CSMD1: variants seen among roughly 807,000 people sequenced by gnomAD.
CSMD1 encodes the protein CUB and Sushi multiple domains 1.
CSMD1 carries 213 observed loss-of-function variants against 417.5 expected under a neutral mutation model. The observed-to-expected ratio is 0.51, with a 90% CI of 0.46 to 0.57. The LOEUF (loss-of-function observed/expected upper bound fraction) is 0.57. Ranked by LOEUF, CSMD1 falls within the 20% of genes least tolerant of loss-of-function variation. The pLI, the probability that CSMD1 is intolerant of heterozygous loss-of-function variation, is 0.00. For synonymous variants in CSMD1, 2,862 were observed against 1,736.8 expected, an observed-to-expected ratio of 1.65 and a Z score of -16.11; for missense variants, 6,923 against 4,529.7, an observed-to-expected ratio of 1.53 and a Z score of -15.17.
chr8:2,948,433 A>C (rs2128917601), intron 68 of CSMD1, among the ~76,000 whole-genome samples: 1 of 152,258 alleles, frequency 6.6e-6, no homozygotes, highest in African/African-American at 2.4e-5. Flanking sequence ...AAAATCAAAT[A>C]GTACAGAAAG....
At chr8:4,788,613 G>C (rs536824671) in intron 1 of CSMD1, 1 of 948,478 alleles carries the variant, frequency 1.1e-6, no homozygotes, top group Non-Finnish European at 1.6e-6. Flanking sequence ...AAATTTTTAG[G>C]GGAAAAACTA....
chr8:4,976,592 T>C (rs956134597), intron 1 of CSMD1, among the ~76,000 whole-genome samples: 3 of 152,202 alleles, frequency 2.0e-5, no homozygotes, highest in Admixed American at 6.5e-5. Context: ...AATGCAACAA[T>C]TTATAAACAG....
At chr8:3,446,213 TC>T (rs1442855330) in intron 12 of CSMD1, among the ~76,000 whole-genome samples, 1 of 152,238 alleles carries the variant, frequency 6.6e-6, no homozygotes, top group Non-Finnish European at 1.5e-5. Context: ...GAATGCACTT[TC>T]TGAAGCACTC....
intron 1 of CSMD1, among the ~76,000 whole-genome samples, chr8:4,691,198 G>C (rs1332783652): frequency 6.6e-6 from 1 of 152,192 alleles, no homozygotes; most frequent in Admixed American, 6.5e-5. Context: ...CTGCAAATCA[G>C]CAGCAAACTC....
At chr8:4,559,124 C>G (rs6993357) in intron 2 of CSMD1, among the ~76,000 whole-genome samples, 1 of 152,048 alleles carries the variant, frequency 6.6e-6, no homozygotes, top group Admixed American at 6.5e-5. Context: ...GGGTTAAATA[C>G]GCAAATAGGC....
intron 52 of CSMD1, among the ~76,000 whole-genome samples, chr8:3,007,575 G>A (rs1374965707): frequency 6.6e-6 from 1 of 151,382 alleles, no homozygotes; most frequent in Admixed American, 6.6e-5. Context: ...TATACACCAT[G>A]GAATACTATG....
chr8:4,194,548 T>G (rs1043266102), intron 3 of CSMD1, among the ~76,000 whole-genome samples: 1 of 152,166 alleles, frequency 6.6e-6, no homozygotes, highest in African/African-American at 2.4e-5. Context: ...ATTATAATGT[T>G]GGCAACAGCA....
chr8:4,261,063 G>C (rs996454151), intron 3 of CSMD1, among the ~76,000 whole-genome samples: 1 of 152,068 alleles, frequency 6.6e-6, no homozygotes, highest in Non-Finnish European at 1.5e-5. Context: ...TTAGGATTCC[G>C]GATACCTTGT....
chr8:4,668,484 C>G (rs1805090417), intron 1 of CSMD1, among the ~76,000 whole-genome samples: 1 of 149,152 alleles, frequency 6.7e-6, no homozygotes, highest in Non-Finnish European at 1.5e-5. Flanking sequence ...GAGTCTCGCT[C>G]TGTCACCCAG....
At chr8:3,794,685 A>C (rs1799942476) in intron 5 of CSMD1, among the ~76,000 whole-genome samples, 1 of 152,050 alleles carries the variant, frequency 6.6e-6, no homozygotes, top group Non-Finnish European at 1.5e-5. Context: ...TACTGGAAAA[A>C]ATCTCACTGC....
intron 3 of CSMD1, among the ~76,000 whole-genome samples, chr8:4,268,005 G>C (rs1032017017): frequency 6.6e-6 from 1 of 152,088 alleles, no homozygotes; most frequent in Non-Finnish European, 1.5e-5. Context: ...GAGGGGAGCA[G>C]ATAGGAATAA....
intron 1 of CSMD1, among the ~76,000 whole-genome samples, chr8:4,836,878 C>A (rs544859330): frequency 1.3e-5 from 2 of 152,098 alleles, no homozygotes; most frequent in African/African-American, 4.8e-5. Flanking sequence ...AGCTTAGAGC[C>A]ACCTCTCACT....
At chr8:4,193,746 A>C (rs1399574920) in intron 3 of CSMD1, among the ~76,000 whole-genome samples, 1 of 152,120 alleles carries the variant, frequency 6.6e-6, no homozygotes, top group African/African-American at 2.4e-5. Flanking sequence ...ATGTTTAACA[A>C]GTGATTTTGG....
At chr8:4,956,963 A>T (rs1809157742) in intron 1 of CSMD1, among the ~76,000 whole-genome samples, 1 of 152,204 alleles carries the variant, frequency 6.6e-6, no homozygotes, top group Non-Finnish European at 1.5e-5. Flanking sequence ...CTATTTGGGA[A>T]GCCTAACCAT....
chr8:3,867,600 A>G (rs1340930093), intron 5 of CSMD1, among the ~76,000 whole-genome samples: 1 of 152,108 alleles, frequency 6.6e-6, no homozygotes. Context: ...CCTAAACAAA[A>G]ATTTTAATCT....
intron 50 of CSMD1, among the ~76,000 whole-genome samples, chr8:3,038,430 G>C (rs1156319249): frequency 6.6e-6 from 1 of 152,190 alleles, no homozygotes; most frequent in Admixed American, 6.5e-5. Context: ...TCCATTCTTT[G>C]ACTTGTTGGG....
At chr8:3,299,964 A>T (rs1804263018) in intron 25 of CSMD1, among the ~76,000 whole-genome samples, 1 of 152,178 alleles carries the variant, frequency 6.6e-6, no homozygotes, top group African/African-American at 2.4e-5. Context: ...AACATAGCAA[A>T]TGCAGCTCTA....
chr8:4,836,902 TG>T lies in CSMD1; in HGVS notation c.85+157429del, dbSNP rs1214507675. Among the ~76,000 whole-genome samples, 4 of 152,176 alleles carry T rather than the reference TG, an allele frequency of 2.6e-5. No individual in the cohort carries two copies. The East Asian group carries it at 7.7e-4, about 29-fold the overall frequency. On this transcript the variant is annotated intron_variant, in intron 1 of 69. Coordinates refer to ENST00000635120, the MANE Select transcript of CSMD1 (RefSeq NM_033225.6). ...CCACCTCTCACTCTGTCTGAGGCTA[TG>T]GTTGCTGCTGTGTAGAGTTCTAATG...
At chr8:4,521,805 C>G (rs1353752866) in intron 2 of CSMD1, among the ~76,000 whole-genome samples, 1 of 152,050 alleles carries the variant, frequency 6.6e-6, no homozygotes, top group Non-Finnish European at 1.5e-5. Context: ...AACCAAGCAC[C>G]TGGGTGGCCT....
Sources: allele counts gnomAD v4.1 joint callset (sites outside exome capture counted in the v4.1 genomes callset), GRCh38; gene constraint gnomAD v4.1.1; transcripts MANE v1.5; gene names NCBI Gene and HGNC (gene_info 2026-07-23, HGNC 2026-07-21).